RBL1: variants seen among roughly 807,000 people sequenced by gnomAD.
RBL1 encodes retinoblastoma-like protein 1.
Under a neutral mutation model 123.0 loss-of-function variants are expected in RBL1, and 82 were observed. The ratio of observed to expected loss-of-function variants is 0.67; its 90% CI spans 0.56 to 0.80. The LOEUF (loss-of-function observed/expected upper bound fraction) is 0.80. Ranked by LOEUF, RBL1 falls within the 30% of genes least tolerant of loss-of-function variation. The probability of loss-of-function intolerance (pLI) is 0.00; values close to 1 mark genes in which losing one functional copy is unlikely to be tolerated. For synonymous variants in RBL1, 405 were observed against 441.3 expected (o/e 0.92, Z 1.03); for missense variants, 1,171 against 1,299.6 (o/e 0.90, Z 1.52).
chr20:37,088,187 C>T (rs907001058), intron 2 of RBL1, among the ~76,000 whole-genome samples: 4 of 151,734 alleles, frequency 2.6e-5, no homozygotes, highest in Admixed American at 2.0e-4. Context: ...ATCGCTTGAA[C>T]CCAGGAGGCA....
chr20:37,074,120 A>T (rs1206174070), intron 2 of RBL1, among the ~76,000 whole-genome samples: 2 of 151,700 alleles, frequency 1.3e-5, no homozygotes, highest in Non-Finnish European at 2.9e-5. Flanking sequence ...CAAAATAAAC[A>T]AACAAATTTT....
At chr20:37,037,294 C>G (rs943137980) in intron 14 of RBL1, among the ~76,000 whole-genome samples, 2 of 152,158 alleles carry the variant, frequency 1.3e-5, no homozygotes, top group African/African-American at 4.8e-5. Context: ...AGTACTGGAA[C>G]AGCTATGGTG....
intron 21 of RBL1, among the ~76,000 whole-genome samples, chr20:37,001,836 C>A (rs1298503549): frequency 4.7e-5 from 7 of 148,298 alleles, no homozygotes; most frequent in Non-Finnish European, 1.0e-4. Flanking sequence ...TTGTGCTTTC[C>A]TACCCTGTGA....
chr20:37,022,619 G>GC, intron 17 of RBL1, 31 bp downstream of exon 17: 2 of 1,574,676 alleles, frequency 1.3e-6, no homozygotes, highest in Non-Finnish European at 1.7e-6. Flanking sequence ...GAGCCACCAT[G>GC]CCCAGCCTCT....
intron 21 of RBL1, among the ~76,000 whole-genome samples, chr20:37,001,077 G>C (rs1304250179): frequency 4.1e-5 from 6 of 147,848 alleles, no homozygotes; most frequent in Admixed American, 4.0e-4. Flanking sequence ...GGGAGGCGGG[G>C]AGGTCAGCCC....
Position 37,007,953 on chromosome 20 carries a change from A to C in RBL1, c.2723-394T>G, listed in dbSNP as rs530386639. ...TGACCTTTCTACAATATTAAAAAAA[A>C]CCCACAAATCTTTATGTAGAGAAAT... On this transcript the variant is annotated intron_variant, in intron 19 of 21. Transcript: ENST00000373664. Among the ~76,000 whole-genome samples the C allele has an allele frequency of 1.1e-3, 172 of 152,328 alleles. 1 individual carries two copies. The highest frequency in any genetic ancestry group is 3.9e-3 in the African/African-American group (163 of 41,578).
chr20:37,063,112 C>T (rs2065122049), intron 7 of RBL1, among the ~76,000 whole-genome samples: 1 of 152,170 alleles, frequency 6.6e-6, no homozygotes, highest in Non-Finnish European at 1.5e-5. Context: ...GAGTCTCACT[C>T]CGTCACCCAA....
At chr20:37,007,163 C>T (rs973072806) in intron 20 of RBL1, among the ~76,000 whole-genome samples, 6 of 151,982 alleles carry the variant, frequency 3.9e-5, no homozygotes, top group South Asian at 2.1e-4. Flanking sequence ...GTGGGAGGAT[C>T]GCTTGAGGCC....
In RBL1 at chr20:37,032,783, G is replaced by A; in HGVS notation, c.2264C>T (p.Ala755Val). Residue 755 changes from alanine (A) to valine (V), a missense_variant, in exon 16 of 22, where the codon GCT (alanine) becomes GTT (valine). Coordinates refer to ENST00000373664, the MANE Select transcript of RBL1 (RefSeq NM_002895.5). ...SKVKSPVSLT[A>V]HSLIGASPKQ... is the part of the protein sequence containing the mutation. Reference sequence around the variant, plus strand: ...TGGAGAAGCACCAATTAATGAATGAGCAGTAAGTGATACAGGACTCTTGAC... The same window carrying A: ...TGGAGAAGCACCAATTAATGAATGAACAGTAAGTGATACAGGACTCTTGAC... 1 of 1,614,040 alleles carries A rather than the reference G, an allele frequency of 6.2e-7. No homozygotes were observed. Among genetic ancestry groups the A allele is most frequent in the Non-Finnish European group, 8.5e-7 (1 of 1,179,988 alleles).
Position 37,018,296 on chromosome 20 carries a change from A to G in RBL1, c.2705T>C (p.Phe902Ser). 6.2e-7 allele frequency: 1 copy of G among 1,610,762 alleles called. No individual in the cohort carries two copies. Reference sequence around the variant, plus strand: ...TAACTTACCACAATCTATCATTTCAAAGTCATCATTTATATTTTTATTATA... The same window carrying G: ...TAACTTACCACAATCTATCATTTCAGAGTCATCATTTATATTTTTATTATA... ...VAYNKNINDD[F>S]EMIDCDLEDA... Residue 902 changes from phenylalanine to serine, a missense_variant, in exon 19 of 22, where the codon TTT becomes TCT. Phe to Ser is a radical substitution (Grantham distance 155). Transcript: ENST00000373664.
At chr20:37,044,052 T>TA in intron 13 of RBL1, 34 bp downstream of exon 13, 2 of 1,412,870 alleles carry the variant, frequency 1.4e-6, no homozygotes, top group Non-Finnish European at 1.9e-6. Flanking sequence ...TTTTTTTTTT[T>TA]AATGATACGA....
chr20:37,048,320 A>G (rs752172769), intron 11 of RBL1, among the ~76,000 whole-genome samples: 4 of 152,078 alleles, frequency 2.6e-5, no homozygotes, highest in Non-Finnish European at 4.4e-5. Context: ...CAGATGACAG[A>G]CCTCTATTCT....
chr20:37,054,522 T>C (rs972064863), intron 11 of RBL1, among the ~76,000 whole-genome samples: 1 of 150,964 alleles, frequency 6.6e-6, no homozygotes, highest in African/African-American at 2.4e-5. Flanking sequence ...TTAAAATAAA[T>C]AAAAGTTAAA....
At chr20:37,088,246 CAA>C (rs1428213514) in intron 2 of RBL1, among the ~76,000 whole-genome samples, 9 of 114,232 alleles carry the variant, frequency 7.9e-5, no homozygotes, top group African/African-American at 2.7e-4. Flanking sequence ...GCCTGGGCAA[CAA>C]GAGCAAAACT....
chr20:37,050,004 G>C (rs1194835845), intron 11 of RBL1, among the ~76,000 whole-genome samples: 1 of 151,018 alleles, frequency 6.6e-6, no homozygotes, highest in Admixed American at 6.6e-5. Flanking sequence ...GGAGGTTGCG[G>C]TGAGCCAAGA....
intron 2 of RBL1, among the ~76,000 whole-genome samples, chr20:37,072,206 C>T (rs1205589328): frequency 2.0e-5 from 3 of 152,168 alleles, no homozygotes; most frequent in South Asian, 2.1e-4. Flanking sequence ...CAGTGGCTCA[C>T]GCCTGTAATC....
Position 37,035,365 on chromosome 20 carries a change from T to C in RBL1, c.2047A>G (p.Ile683Val), listed in dbSNP as rs769641293. ...KIITEGTKLK[I>V]APSSSITAEN... is the part of the protein sequence containing the mutation. ...GCAGTAATGCTTGAAGAAGGAGCGA[T>C]TTTCAATTTTGTTCCTTCTGTTATG... The change falls in exon 15 of 22, where the codon ATC (isoleucine) becomes GTC (valine). Residue 683 changes from isoleucine to valine, a missense_variant. Transcript: ENST00000373664. The C allele has an allele frequency of 6.2e-6, 10 of 1,614,174 alleles. No individual in the cohort carries two copies. The highest frequency in any genetic ancestry group is 8.5e-6 in the Non-Finnish European group (10 of 1,180,030).
intron 13 of RBL1, among the ~76,000 whole-genome samples, chr20:37,043,448 G>A (rs2064767044): frequency 6.6e-6 from 1 of 151,368 alleles, no homozygotes; most frequent in Non-Finnish European, 1.5e-5. Context: ...CCGAGACTGT[G>A]CCACTGCTCT....
intron 2 of RBL1, among the ~76,000 whole-genome samples, chr20:37,074,367 T>C (rs1215510368): frequency 1.3e-5 from 2 of 149,632 alleles, no homozygotes; most frequent in African/African-American, 5.0e-5. Flanking sequence ...TGAGCCATGA[T>C]TGCGCCATTG....
Sources: gnomAD v4.1 joint callset for allele counts (sites outside exome capture counted in the v4.1 genomes callset) on GRCh38, gnomAD v4.1.1 for gene constraint, MANE v1.5 for transcripts, NCBI Gene and HGNC (gene_info 2026-07-23, HGNC 2026-07-21) for gene names.